The following TRMT2B variants were observed in gnomAD, a reference collection of about 807,000 sequenced individuals.
The protein encoded by TRMT2B is tRNA (uracil-5-)-methyltransferase homolog B.
A neutral mutation model predicts 39.7 loss-of-function variants in TRMT2B; 34 were observed. That is an observed-to-expected ratio of 0.86 (90% confidence interval 0.65 to 1.14). The LOEUF (loss-of-function observed/expected upper bound fraction) is 1.14, where lower values mean the gene tolerates loss of function less well. TRMT2B is among the 50% of genes most tolerant of loss of function. TRMT2B has a pLI of 0.00. For missense variants in TRMT2B, 318 were observed against 377.2 expected, an observed-to-expected ratio of 0.84 and a Z score of 1.30; for synonymous variants, 132 against 137.3, an observed-to-expected ratio of 0.96 and a Z score of 0.27.
At position 101,041,362 on chromosome X, in the gene TRMT2B, A is replaced by G; in HGVS notation, c.258T>C (p.Asp86=). The G allele has an allele frequency of 8.3e-7, 1 of 1,208,766 alleles. No homozygotes were observed. Among genetic ancestry groups the G allele is most frequent in the Non-Finnish European group, 1.1e-6 (1 of 893,848 alleles). ...LDGSWQERLA[D]VVTPLWRLSY... ...TCAACCTCCAGAGTGGTGTCACAAC[A>G]TCAGCCAGCCTTGAATAAAATAATT... is the stretch of plus-strand genomic sequence containing the variant. The change falls in exon 4 of 14, where the codon GAT becomes GAC. Residue 86 remains aspartate, a synonymous_variant. Coordinates refer to ENST00000372936, the MANE Select transcript of TRMT2B (RefSeq NM_024917.6).
rs1466885618 is a variant in TRMT2B, at chrX:101,051,975, A to G, written c.-665T>C. The G allele has an allele frequency of 8.9e-6, 1 of 111,897 alleles. No individual in the cohort carries two copies. The highest frequency in any genetic ancestry group is 2.9e-4 in the East Asian group (1 of 3,490). The allele number at this position is 111,897 out of a possible 1,213,427, so 9.2% of individuals were successfully genotyped here. On this transcript the variant is annotated 5_prime_UTR_variant, in exon 1 of 14. Transcript: ENST00000372936. ...GGGCTCCTCCCAGCGTCGGCGAGGC[A>G]GCAGGCTCCGGCACCTCGACTCCTC...
chrX:100,979,518 T>G, the TRMT2B span, among the ~76,000 whole-genome samples: 2 of 112,114 alleles, frequency 1.8e-5, no homozygotes, highest in African/African-American at 6.5e-5. Flanking sequence ...TGTGTTATCT[T>G]GGACTTCACT....
chrX:101,031,700 C>A (rs775284576), intron 7 of TRMT2B, among the ~76,000 whole-genome samples: 1 of 82,861 alleles, frequency 1.2e-5, no homozygotes, highest in East Asian at 3.1e-4. Flanking sequence ...AGGAGCAAAA[C>A]TCTGTCGTAG....
rs2086198630 is a variant in TRMT2B at position 101,010,376 on chromosome X, C to T, written c.*205G>A. 4 of 422,019 alleles carry T rather than the reference C, an allele frequency of 9.5e-6. No individual in the cohort carries two copies. The highest frequency in any genetic ancestry group is 1.6e-5 in the Non-Finnish European group (4 of 244,977). 34.8% of individuals were successfully genotyped at this position (422,019 alleles called of 1,213,427 possible). Reference sequence around the variant, plus strand: ...GCAGTGAGCTGAGATCACGCCACGACACTCCAGCCTGGGCAAGAGTGAGAC... The same window carrying T: ...GCAGTGAGCTGAGATCACGCCACGATACTCCAGCCTGGGCAAGAGTGAGAC... On this transcript the variant is annotated 3_prime_UTR_variant, in exon 14 of 14. Transcript: ENST00000372936.
At chrX:101,041,191 G>A (rs972132254) in intron 4 of TRMT2B, 126 bp downstream of exon 4, 22 of 549,192 alleles carry the variant, frequency 4.0e-5, no homozygotes, top group Middle Eastern at 5.8e-4. Flanking sequence ...GCGACAGAGC[G>A]AGACTCCATC....
chrX:100,979,848 G>A, the TRMT2B span, among the ~76,000 whole-genome samples: 196 of 112,291 alleles, frequency 1.7e-3, 1 homozygote, highest in African/African-American at 6.1e-3. Flanking sequence ...TTGTAAAGCT[G>A]TAGAGGTACC....
the TRMT2B span, among the ~76,000 whole-genome samples, chrX:100,975,829 T>C: frequency 9.1e-6 from 1 of 110,228 alleles, no homozygotes; most frequent in African/African-American, 3.3e-5. Flanking sequence ...AGATGGGGTT[T>C]CACCATGTTG....
chrX:101,004,496 C>T (rs757332918), downstream of TRMT2B, among the ~76,000 whole-genome samples: 82 of 103,273 alleles, frequency 7.9e-4, no homozygotes, highest in Middle Eastern at 0.026. Context: ...TGTTTTGTTT[C>T]GTTTTTGTTT....
At chrX:100,985,774 G>A in the TRMT2B span, 3 of 1,211,705 alleles carry the variant, frequency 2.5e-6, no homozygotes, top group East Asian at 3.0e-5. Context: ...GAAGGGCCGG[G>A]AAGCATGGCC....
At chrX:101,018,442 CTTTTT>C (rs1171655035) in intron 13 of TRMT2B, among the ~76,000 whole-genome samples, 1 of 100,332 alleles carries the variant, frequency 1.0e-5, no homozygotes, top group African/African-American at 3.6e-5. Flanking sequence ...ATTTTTAACA[CTTTTT>C]TTTTTTTTTT....
At chrX:100,985,952 C>T in the TRMT2B span, 1 of 1,179,017 alleles carries the variant, frequency 8.5e-7, no homozygotes, top group Non-Finnish European at 1.1e-6. Flanking sequence ...TTCTGCTTCC[C>T]AATTTGTACC....
At chrX:101,008,923 C>G (rs1701513242), downstream of TRMT2B, among the ~76,000 whole-genome samples, 2 of 111,353 alleles carry the variant, frequency 1.8e-5, no homozygotes, top group Admixed American at 1.9e-4. Flanking sequence ...CGGCAGTGGC[C>G]TAAACCTTCC....
rs1004031945 is a variant in TRMT2B at position 101,037,201 on chromosome X, T to C, written c.439-128A>G. On this transcript the variant is annotated intron_variant, in intron 5 of 13. Coordinates refer to ENST00000372936, the MANE Select transcript of TRMT2B (RefSeq NM_024917.6). The stretch of plus-strand genomic sequence containing the variant: ...AGGTTTGCTTGGAGGGTATGGCATA[T>C]GTGAAAGTCTGTGGCTAAGAAGATC... 17 of 497,136 alleles carry C rather than the reference T, an allele frequency of 3.4e-5. No homozygotes were observed. The Admixed American group carries it at 4.6e-4, about 13-fold the overall frequency. 41.0% of individuals were successfully genotyped at this position (497,136 alleles called of 1,213,427 possible). A position where few individuals can be genotyped will look rare whatever the true frequency, so the allele number is the denominator to read the frequency against.
At position 101,010,703 on chromosome X, in the gene TRMT2B, A is replaced by G; in HGVS notation, c.1393T>C (p.Cys465Arg). The G allele has an allele frequency of 8.3e-7, 1 of 1,210,023 alleles. No homozygotes were observed. Among genetic ancestry groups the G allele is most frequent in the African/African-American group, 1.7e-5 (1 of 57,763 alleles). The change falls in exon 14 of 14, where the codon TGC (cysteine) becomes CGC (arginine). Residue 465 changes from cysteine (C) to arginine (R), a missense_variant. Coordinates refer to ENST00000372936, the MANE Select transcript of TRMT2B (RefSeq NM_024917.6). ...TTCTTAGCAGGGTCTGGAGGACAGCACAGCCTGTAGAAACAGAACATAGCA... is the reference window on the plus strand; with the variant it reads ...TTCTTAGCAGGGTCTGGAGGACAGCGCAGCCTGTAGAAACAGAACATAGCA... ...GESTRNVIEL[C>R]CPPDPAKKLL...
chrX:101,007,733 A>G (rs769389432), downstream of TRMT2B, among the ~76,000 whole-genome samples: 1 of 110,874 alleles, frequency 9.0e-6, no homozygotes, highest in Non-Finnish European at 1.9e-5. Flanking sequence ...GAAACATGAG[A>G]TTTGCATTTT....
chrX:101,002,857 CAATTA>C, the TRMT2B span, among the ~76,000 whole-genome samples: 1 of 110,884 alleles, frequency 9.0e-6, no homozygotes, highest in Non-Finnish European at 1.9e-5. Flanking sequence ...TTTCAATCCC[CAATTA>C]AATTATTAAT....
the TRMT2B span, chrX:100,986,023 G>A: frequency 1.0e-6 from 1 of 976,268 alleles, no homozygotes; most frequent in Non-Finnish European, 1.4e-6. Flanking sequence ...TAGGCCTCCT[G>A]TTCCCTTAGG....
At chrX:101,023,784 A>C (rs766549991) in intron 7 of TRMT2B, among the ~76,000 whole-genome samples, 168 bp from the exon 8 acceptor site, 1 of 112,065 alleles carries the variant, frequency 8.9e-6, no homozygotes, top group African/African-American at 3.2e-5. Flanking sequence ...GGGCCTTTAA[A>C]GAGGTGATTT....
At chrX:100,999,797 T>C in the TRMT2B span, among the ~76,000 whole-genome samples, 8 of 112,113 alleles carry the variant, frequency 7.1e-5, no homozygotes, top group Admixed American at 6.7e-4. Flanking sequence ...GGGGATCTTT[T>C]AAAAATTCAG....
Sources: gnomAD v4.1 joint callset for allele counts (sites outside exome capture counted in the v4.1 genomes callset) on GRCh38, gnomAD v4.1.1 for gene constraint, MANE v1.5 for transcripts, NCBI Gene and HGNC (gene_info 2026-07-23, HGNC 2026-07-21) for gene names.